Variants in GALNT14 observed in about 807,000 individuals in gnomAD.
GALNT14 encodes UDP-GalNAc:polypeptide N-acetylgalactosaminyltransferase 14.
GALNT14 carries 60 observed loss-of-function variants against 77.5 expected under a neutral mutation model. The ratio of observed to expected loss-of-function variants is 0.77; its 90% CI spans 0.63 to 0.96. GALNT14 has a LOEUF of 0.96. Among genes scored for constraint, GALNT14 ranks in the 40% least tolerant of loss-of-function variants. The pLI, the probability that GALNT14 is intolerant of heterozygous loss-of-function variation, is 0.00. For missense variants in GALNT14, 710 were observed against 731.0 expected (o/e 0.97, Z 0.33); for synonymous variants, 280 against 281.7 (o/e 0.99, Z 0.06).
intron 9 of GALNT14, among the ~76,000 whole-genome samples, chr2:30,937,661 T>C (rs1666135934): frequency 6.6e-6 from 1 of 152,272 alleles, no homozygotes; most frequent in Non-Finnish European, 1.5e-5. Flanking sequence ...CCTGAGAAAG[T>C]TCTCTACTTT....
intron 1 of GALNT14, among the ~76,000 whole-genome samples, chr2:31,052,320 T>G (rs1026397150): frequency 1.3e-5 from 2 of 152,044 alleles, no homozygotes; most frequent in African/African-American, 4.8e-5. Context: ...CACAGAACCT[T>G]CACCTGGCAG....
At chr2:30,928,765 C>T (rs560419695) in intron 11 of GALNT14, among the ~76,000 whole-genome samples, 4 of 152,046 alleles carry the variant, frequency 2.6e-5, no homozygotes, top group East Asian at 1.9e-4. Flanking sequence ...TACAGGTGCC[C>T]GCCACCATGC....
chr2:30,930,767 G>T (rs1572985329), intron 10 of GALNT14, among the ~76,000 whole-genome samples: 1 of 152,368 alleles, frequency 6.6e-6, no homozygotes, highest in Admixed American at 6.5e-5. Context: ...CAGCCTGGTT[G>T]GTGGGGCACT....
intron 6 of GALNT14, among the ~76,000 whole-genome samples, chr2:30,953,161 C>T (rs909856433): frequency 3.3e-5 from 5 of 152,074 alleles, no homozygotes; most frequent in Non-Finnish European, 5.9e-5. Context: ...CATAGCTGGC[C>T]CTAGGGTAGT....
intron 2 of GALNT14, among the ~76,000 whole-genome samples, chr2:30,976,601 A>ATGTGTG (rs1367654167): frequency 1.2e-4 from 16 of 133,534 alleles, no homozygotes; most frequent in African/African-American, 2.7e-4. Flanking sequence ...CTGTGTGTGC[A>ATGTGTG]TGTGCGTGTG....
chr2:31,060,691 T>A (rs1187845585), intron 1 of GALNT14, among the ~76,000 whole-genome samples: 1 of 152,106 alleles, frequency 6.6e-6, no homozygotes, highest in Non-Finnish European at 1.5e-5. Flanking sequence ...GGGTGATGTG[T>A]TTAAATTAAA....
chr2:31,082,970 A>G (rs145089559), intron 1 of GALNT14, among the ~76,000 whole-genome samples: 12,957 of 152,228 alleles, frequency 0.085, 605 homozygotes, highest in Middle Eastern at 0.12. Flanking sequence ...GTGAGCTGAG[A>G]TTGCACCACT....
intron 2 of GALNT14, among the ~76,000 whole-genome samples, chr2:30,982,617 C>T (rs1669056387): frequency 6.6e-6 from 1 of 152,186 alleles, no homozygotes; most frequent in Non-Finnish European, 1.5e-5. Context: ...CATCAATCTA[C>T]AGCTTTTGAA....
In GALNT14 at chr2:31,082,879, G is replaced by A. The variant is rs932811951; in HGVS notation, c.129+55079C>T. Among the ~76,000 whole-genome samples, 10 of 152,218 alleles carry A rather than the reference G, an allele frequency of 6.6e-5. No homozygotes were observed. In the East Asian group the frequency reaches 1.5e-3, roughly 24 times the overall value. On this transcript the variant is annotated intron_variant, in intron 1 of 14. Coordinates refer to ENST00000349752, the MANE Select transcript of GALNT14 (RefSeq NM_024572.4). ...CTAAATATACAAAAATTAGCTGGGC[G>A]TGATGGCACACGCCTGTAGTTCCAG... is the stretch of plus-strand genomic sequence containing the variant.
intron 13 of GALNT14, among the ~76,000 whole-genome samples, chr2:30,923,458 A>T (rs990637652): frequency 1.3e-5 from 2 of 152,190 alleles, no homozygotes; most frequent in Non-Finnish European, 2.9e-5. Flanking sequence ...AGACTGTCCC[A>T]AAAAACATGG....
At chr2:30,985,751 G>A (rs546595581) in intron 2 of GALNT14, among the ~76,000 whole-genome samples, 1 of 152,316 alleles carries the variant, frequency 6.6e-6, no homozygotes, top group South Asian at 2.1e-4. Context: ...GTGGCACATG[G>A]GGGACCAGAA....
chr2:30,931,037 C>T (rs1243119569), intron 10 of GALNT14, among the ~76,000 whole-genome samples: 1 of 152,246 alleles, frequency 6.6e-6, no homozygotes, highest in Non-Finnish European at 1.5e-5. Context: ...CTGTGCCAGA[C>T]ATCCCCAGCT....
intron 10 of GALNT14, among the ~76,000 whole-genome samples, chr2:30,929,721 C>A (rs183254653): frequency 2.0e-5 from 3 of 152,312 alleles, no homozygotes; most frequent in African/African-American, 4.8e-5. Context: ...GGTTGAGTAT[C>A]CTTTACAAGA....
the GALNT14 span, among the ~76,000 whole-genome samples, chr2:30,889,886 A>G: frequency 6.6e-6 from 1 of 152,280 alleles, no homozygotes; most frequent in East Asian, 1.9e-4. Context: ...AAACTCAAGT[A>G]TTTTCTTGCT....
intron 1 of GALNT14, among the ~76,000 whole-genome samples, chr2:31,010,078 T>C (rs1168109430): frequency 6.6e-6 from 1 of 152,228 alleles, no homozygotes; most frequent in African/African-American, 2.4e-5. Flanking sequence ...CTCCGCCTCC[T>C]GAGTTCAAGC....
At chr2:31,127,352 T>C (rs1344699090) in intron 1 of GALNT14, among the ~76,000 whole-genome samples, 1 of 152,216 alleles carries the variant, frequency 6.6e-6, no homozygotes, top group African/African-American at 2.4e-5. Context: ...GATTTTATAT[T>C]TATAAATCTT....
chr2:31,072,319 A>G (rs527740507), intron 1 of GALNT14, among the ~76,000 whole-genome samples: 290 of 148,782 alleles, frequency 1.9e-3, no homozygotes, highest in African/African-American at 6.9e-3. Flanking sequence ...ACACACACAC[A>G]CACGCATGCG....
At chr2:31,036,654 G>A (rs1477905124) in intron 1 of GALNT14, among the ~76,000 whole-genome samples, 1 of 152,116 alleles carries the variant, frequency 6.6e-6, no homozygotes, top group Non-Finnish European at 1.5e-5. Flanking sequence ...ACTGCAACCT[G>A]AAAATCTCTC....
At chr2:31,049,392 C>T (rs6737917) in intron 1 of GALNT14, among the ~76,000 whole-genome samples, 2,452 of 152,324 alleles carry the variant, frequency 0.016, 70 homozygotes, top group African/African-American at 0.054. Flanking sequence ...GGCTCCTGAA[C>T]GCTCCCAGCC....
Sources: allele counts gnomAD v4.1 joint callset (sites outside exome capture counted in the v4.1 genomes callset), GRCh38; gene constraint gnomAD v4.1.1; transcripts MANE v1.5; gene names NCBI Gene and HGNC (gene_info 2026-07-23, HGNC 2026-07-21).